The following C12orf42 variants were observed in gnomAD, a reference collection of about 807,000 sequenced individuals.
C12orf42 encodes chromosome 12 open reading frame 42, also known as uncharacterized protein C12orf42.
A neutral mutation model predicts 21.6 loss-of-function variants in C12orf42; 25 were observed. That is an observed-to-expected ratio of 1.16 (90% CI 0.84 to 1.62). The LOEUF (loss-of-function observed/expected upper bound fraction) is 1.62, where lower values mean the gene tolerates loss of function less well. C12orf42 is among the 40% of genes most tolerant of loss of function. The pLI is 0.00. For synonymous variants in C12orf42, 174 were observed against 175.0 expected, an observed-to-expected ratio of 0.99 and a Z score of 0.05; for missense variants, 483 against 459.3, an observed-to-expected ratio of 1.05 and a Z score of -0.47.
the C12orf42 span, among the ~76,000 whole-genome samples, chr12:103,534,185 TTTAAAATTTTTTCA>T: frequency 6.6e-6 from 1 of 152,238 alleles, no homozygotes; most frequent in Admixed American, 6.5e-5. Context: ...TTGATGGCTA[TTTAAAATTTTTTCA>T]TACACGAAAA....
the C12orf42 span, among the ~76,000 whole-genome samples, chr12:103,086,211 T>A: frequency 6.6e-6 from 1 of 152,004 alleles, no homozygotes; most frequent in Non-Finnish European, 1.5e-5. Context: ...AACAAAACAA[T>A]CAGAGAATTA....
chr12:103,058,937 A>G, the C12orf42 span, among the ~76,000 whole-genome samples: 5 of 152,180 alleles, frequency 3.3e-5, no homozygotes, highest in African/African-American at 1.2e-4. Context: ...AAACAAGAGC[A>G]AACTCAAAAG....
chr12:103,250,132 A>G (rs896444076), intron 10 of C12orf42, among the ~76,000 whole-genome samples: 2 of 151,898 alleles, frequency 1.3e-5, no homozygotes, highest in African/African-American at 4.8e-5. Context: ...GAAGTATAGT[A>G]TGTTTTACTT....
At chr12:103,436,186 C>T (rs1950693055) in intron 2 of C12orf42, among the ~76,000 whole-genome samples, 1 of 149,534 alleles carries the variant, frequency 6.7e-6, no homozygotes, top group Non-Finnish European at 1.5e-5. Flanking sequence ...AAATACTTTA[C>T]AGACAAGCAA....
At chr12:103,337,240 GA>G (rs1021268504) in intron 4 of C12orf42, among the ~76,000 whole-genome samples, 1 of 152,232 alleles carries the variant, frequency 6.6e-6, no homozygotes, top group Non-Finnish European at 1.5e-5. Context: ...GTGCACAGCT[GA>G]AAAGTTTGCT....
the C12orf42 span, among the ~76,000 whole-genome samples, chr12:103,184,018 C>T: frequency 6.6e-6 from 1 of 152,134 alleles, no homozygotes; most frequent in African/African-American, 2.4e-5. Flanking sequence ...CCCATAGATG[C>T]TTGGAAAAAG....
intron 2 of C12orf42, among the ~76,000 whole-genome samples, chr12:103,404,039 G>A (rs567972087): frequency 1.3e-5 from 2 of 152,312 alleles, no homozygotes; most frequent in East Asian, 3.9e-4. Context: ...AAGCAGTCCT[G>A]AGATTTCTGT....
the C12orf42 span, among the ~76,000 whole-genome samples, chr12:103,058,345 T>C: frequency 1.3e-5 from 2 of 152,218 alleles, no homozygotes; most frequent in Admixed American, 1.3e-4. Context: ...TGTAAATTTG[T>C]TTAAATTCCT....
chr12:103,238,793 T>C (rs1026036206), intron 10 of C12orf42, among the ~76,000 whole-genome samples: 2 of 152,168 alleles, frequency 1.3e-5, no homozygotes, highest in South Asian at 2.1e-4. Flanking sequence ...GAGCTCTGAT[T>C]CCTGAAAGAC....
At chr12:103,152,833 A>G in the C12orf42 span, among the ~76,000 whole-genome samples, 1 of 152,006 alleles carries the variant, frequency 6.6e-6, no homozygotes, top group East Asian at 1.9e-4. Flanking sequence ...AAAGCTATAA[A>G]ATATTTAAAT....
intron 2 of C12orf42, among the ~76,000 whole-genome samples, chr12:103,452,368 C>T (rs1034314414): frequency 1.3e-5 from 2 of 151,908 alleles, no homozygotes; most frequent in South Asian, 2.1e-4. Flanking sequence ...CACATAAAAT[C>T]GTAAATCACA....
chr12:103,093,346 C>A, the C12orf42 span, among the ~76,000 whole-genome samples: 2 of 152,172 alleles, frequency 1.3e-5, no homozygotes, highest in Non-Finnish European at 2.9e-5. Context: ...CCTTCCCCGC[C>A]ATGCCCATTT....
At chr12:103,215,165 C>T in the C12orf42 span, among the ~76,000 whole-genome samples, 1 of 152,078 alleles carries the variant, frequency 6.6e-6, no homozygotes, top group African/African-American at 2.4e-5. Flanking sequence ...CTTGAACCCC[C>T]ATTTGTGCCA....
the C12orf42 span, among the ~76,000 whole-genome samples, chr12:103,051,271 T>C: frequency 3.0e-3 from 451 of 152,296 alleles, 2 homozygotes; most frequent in Non-Finnish European, 3.2e-3. Context: ...AAGTGGTCAT[T>C]AGATTATGCA....
the C12orf42 span, among the ~76,000 whole-genome samples, chr12:103,534,345 T>C: frequency 6.6e-6 from 1 of 152,176 alleles, no homozygotes; most frequent in Admixed American, 6.6e-5. Context: ...TAATTACCAC[T>C]GTTTTCCTAT....
chr12:103,236,973 C>T (rs1250126517), downstream of C12orf42, among the ~76,000 whole-genome samples: 1 of 152,212 alleles, frequency 6.6e-6, no homozygotes, highest in Non-Finnish European at 1.5e-5. Context: ...GGAAGCATTA[C>T]ATCCTCATCC....
chr12:103,197,726 A>G, the C12orf42 span, among the ~76,000 whole-genome samples: 1 of 152,024 alleles, frequency 6.6e-6, no homozygotes, highest in African/African-American at 2.4e-5. Context: ...CTTCCTTTGG[A>G]TAGGGCTTTT....
At chr12:103,160,448 C>G in the C12orf42 span, among the ~76,000 whole-genome samples, 9 of 152,194 alleles carry the variant, frequency 5.9e-5, no homozygotes, top group African/African-American at 2.2e-4. Flanking sequence ...AAATCTAATA[C>G]CCTGAACATT....
At chr12:103,062,485 G>A in the C12orf42 span, among the ~76,000 whole-genome samples, 1 of 151,644 alleles carries the variant, frequency 6.6e-6, no homozygotes, top group East Asian at 1.9e-4. Flanking sequence ...GGTTTCTTTT[G>A]TTTCTGTTTA....
Sources: allele counts gnomAD v4.1 joint callset (sites outside exome capture counted in the v4.1 genomes callset), GRCh38; gene constraint gnomAD v4.1.1; transcripts MANE v1.5; gene names NCBI Gene and HGNC (gene_info 2026-07-23, HGNC 2026-07-21).